Variants in CPXM2 observed in about 807,000 individuals in gnomAD.
CPXM2 encodes the protein inactive carboxypeptidase-like protein X2.
A neutral mutation model predicts 86.1 loss-of-function variants in CPXM2; 66 were observed. The observed-to-expected ratio is 0.77, with a 90% CI of 0.63 to 0.94. The LOEUF is 0.94. Ranked by LOEUF, CPXM2 falls within the 40% of genes least tolerant of loss-of-function variation. CPXM2 has a pLI of 0.00. For synonymous variants in CPXM2, 388 were observed against 400.2 expected (o/e 0.97, Z 0.36); for missense variants, 948 against 1,026.3 (o/e 0.92, Z 1.04).
At chr10:123,880,497 A>T (rs1336996490) in intron 1 of CPXM2, among the ~76,000 whole-genome samples, 188 bp from the exon 2 acceptor site, 3 of 152,138 alleles carry the variant, frequency 2.0e-5, no homozygotes, top group Non-Finnish European at 4.4e-5. Context: ...AGCAACACCC[A>T]GGAGAAGAAA....
At chr10:123,750,411 G>C (rs1385559438) in intron 13 of CPXM2, 1 of 977,658 alleles carries the variant, frequency 1.0e-6, no homozygotes, top group Non-Finnish European at 1.2e-6. Context: ...TCTTGACTCT[G>C]AGCCTTTGCA....
intron 3 of CPXM2, among the ~76,000 whole-genome samples, chr10:123,859,594 C>T (rs1169180213): frequency 6.6e-6 from 1 of 152,200 alleles, no homozygotes; most frequent in Non-Finnish European, 1.5e-5. Flanking sequence ...GGATGGCGGG[C>T]CCAGATTTGG....
chr10:123,857,798 G>A (rs1294604904), intron 3 of CPXM2, among the ~76,000 whole-genome samples: 1 of 152,226 alleles, frequency 6.6e-6, no homozygotes, highest in Non-Finnish European at 1.5e-5. Context: ...ACGGGACTCC[G>A]CAGCTTCCAC....
intron 2 of CPXM2, among the ~76,000 whole-genome samples, chr10:123,912,547 G>C (rs905930652): frequency 2.0e-5 from 3 of 152,240 alleles, no homozygotes; most frequent in Admixed American, 2.0e-4. Context: ...GGGAGGGGCT[G>C]GTGGCCAGGG....
At chr10:123,939,418 A>G (rs1333114754) in intron 2 of CPXM2, 1 of 152,206 alleles carries the variant, frequency 6.6e-6, no homozygotes, top group Non-Finnish European at 1.5e-5. Flanking sequence ...GGGGATGTGG[A>G]AAGAGGCCAG....
chr10:123,810,339 A>T (rs1045056018), intron 4 of CPXM2, among the ~76,000 whole-genome samples: 5 of 152,038 alleles, frequency 3.3e-5, no homozygotes, highest in African/African-American at 9.6e-5. Context: ...TTATTATTTT[A>T]AAAAGGCAAC....
At chr10:123,934,153 G>A (rs1372995391) in intron 2 of CPXM2, among the ~76,000 whole-genome samples, 1 of 152,160 alleles carries the variant, frequency 6.6e-6, no homozygotes, top group East Asian at 1.9e-4. Flanking sequence ...GCTGGCAGAT[G>A]CCCAAGAGGG....
At chr10:123,859,749 T>G (rs921485176) in intron 3 of CPXM2, among the ~76,000 whole-genome samples, 14 of 152,208 alleles carry the variant, frequency 9.2e-5, no homozygotes, top group Non-Finnish European at 2.1e-4. Flanking sequence ...CGGCCTCCTT[T>G]TCACCCTGAC....
At chr10:123,870,108 T>C (rs977707547) in intron 2 of CPXM2, among the ~76,000 whole-genome samples, 7 of 152,108 alleles carry the variant, frequency 4.6e-5, no homozygotes, top group Admixed American at 1.3e-4. Context: ...CTCCTGTCAT[T>C]GTATCTGTAC....
intron 13 of CPXM2, among the ~76,000 whole-genome samples, chr10:123,749,821 T>C (rs976629997): frequency 1.3e-5 from 2 of 152,202 alleles, no homozygotes; most frequent in South Asian, 4.1e-4. Context: ...TGTTTTGTTT[T>C]TTGAGACGGA....
rs200954130 is a variant in CPXM2, at chr10:123,842,487, G to A, written c.515C>T (p.Ala172Val). ...ATAAAAATCATTTTCATTAATGCCC[G>A]CCTAGAAAGAAAGAAAGCGGTGTTC... ...GAHRGRLNIQ[A>V]GINENDFYDG... The change falls in exon 4 of 14, where the codon GCG (alanine) becomes GTG (valine). Residue 172 changes from alanine (A) to valine (V), a missense_variant and splice_region_variant. Ala to Val is a moderately conservative substitution (Grantham distance 64, BLOSUM62 0). Transcript: ENST00000241305. The A allele has an allele frequency of 1.2e-5, 20 of 1,613,740 alleles. No homozygotes were observed. Among genetic ancestry groups the A allele is most frequent in the South Asian group, 4.4e-5 (4 of 91,048 alleles).
At chr10:123,799,290 G>A in intron 4 of CPXM2, 91 bp from the exon 5 acceptor site, 2 of 1,489,788 alleles carry the variant, frequency 1.3e-6, no homozygotes, top group East Asian at 4.5e-5. Context: ...GCAGGTGCCA[G>A]AGGCAGATGG....
At chr10:123,937,470 AACACAC>A (rs201368456) in intron 2 of CPXM2, among the ~76,000 whole-genome samples, 1,474 of 132,626 alleles carry the variant, frequency 0.011, 15 homozygotes, top group African/African-American at 0.02. Flanking sequence ...ACAACAAAAC[AACACAC>A]ACACACACAC....
chr10:123,797,091 G>A (rs1847349799), intron 6 of CPXM2, among the ~76,000 whole-genome samples: 1 of 152,240 alleles, frequency 6.6e-6, no homozygotes, highest in Non-Finnish European at 1.5e-5. Context: ...AGATGCAGGT[G>A]GCACATGTGA....
chr10:123,940,819 G>C (rs193286327), upstream of CPXM2, among the ~76,000 whole-genome samples: 127 of 152,308 alleles, frequency 8.3e-4, no homozygotes, highest in Admixed American at 4.0e-3. Flanking sequence ...TGTCTCCATG[G>C]TGAGGGTACT....
At chr10:123,854,953 A>C (rs575342473) in intron 3 of CPXM2, among the ~76,000 whole-genome samples, 34 of 152,206 alleles carry the variant, frequency 2.2e-4, no homozygotes, top group African/African-American at 7.5e-4. Context: ...TCATGGGTCA[A>C]GGAGGCTTTG....
chr10:123,746,347 A>C lies in CPXM2; in HGVS notation c.*417T>G. ...CAAATGGTAACATTTGGGACAGCCCAGCTGGGGAAATGCTGCAATTTTAGC... is the reference window on the plus strand; with the variant it reads ...CAAATGGTAACATTTGGGACAGCCCCGCTGGGGAAATGCTGCAATTTTAGC... On this transcript the variant is annotated 3_prime_UTR_variant, in exon 14 of 14. Transcript: ENST00000241305. The C allele has an allele frequency of 5.0e-6, 1 of 201,792 alleles. No individual in the cohort carries two copies. The allele number at this position is 201,792 out of a possible 1,614,324, so 12.5% of individuals were successfully genotyped here.
At chr10:123,933,122 G>C (rs1312944044) in intron 2 of CPXM2, among the ~76,000 whole-genome samples, 1 of 152,224 alleles carries the variant, frequency 6.6e-6, no homozygotes, top group East Asian at 1.9e-4. Context: ...TGGAAACCAA[G>C]CATGGGGCTC....
rs1390610140 is a variant in CPXM2, at chr10:123,768,556, G to C, written c.1269C>G (p.Asn423Lys). 1.2e-6 allele frequency: 2 copies of C among 1,613,732 alleles called. No individual in the cohort carries two copies. The highest frequency in any genetic ancestry group is 1.3e-5 in the African/African-American group (1 of 74,926). Residue 423 changes from asparagine to lysine, a missense_variant, in exon 9 of 14, where the codon AAC becomes AAG. Physicochemically the swap from Asn to Lys is moderately conservative, Grantham distance 94. Coordinates refer to ENST00000241305, the MANE Select transcript of CPXM2 (RefSeq NM_198148.3). Reference protein sequence around the residue: ...ETRIHVLPSLNPDGYEKAYEG... With the variant: ...ETRIHVLPSLKPDGYEKAYEG... ...CGTAGGCCTTCTCGTAGCCATCGGG[G>C]TTGAGGGAGGGGAGGACGTGAATCC...
Sources: gnomAD v4.1 joint callset for allele counts (sites outside exome capture counted in the v4.1 genomes callset) on GRCh38, gnomAD v4.1.1 for gene constraint, MANE v1.5 for transcripts, NCBI Gene and HGNC (gene_info 2026-07-23, HGNC 2026-07-21) for gene names.